Variants in IGSF11 observed in about 807,000 individuals in gnomAD.
IGSF11 encodes CXADR like 1.
A neutral mutation model predicts 41.0 loss-of-function variants in IGSF11; 22 were observed. The observed-to-expected ratio is 0.54, with a 90% CI of 0.38 to 0.77. IGSF11 has a LOEUF of 0.77. IGSF11 is among the 30% of genes least tolerant of loss of function. The probability of loss-of-function intolerance (pLI) is 0.00; values close to 1 mark genes in which losing one functional copy is unlikely to be tolerated. For missense variants in IGSF11, 444 were observed against 530.8 expected (o/e 0.84, Z 1.61); for synonymous variants, 219 against 201.3 (o/e 1.09, Z -0.74).
intron 1 of IGSF11, among the ~76,000 whole-genome samples, chr3:118,982,967 C>G (rs1934889725): frequency 6.6e-6 from 1 of 152,158 alleles, no homozygotes; most frequent in Non-Finnish European, 1.5e-5. Flanking sequence ...CAACATGCAG[C>G]CTCCACAATC....
At chr3:118,985,695 A>C (rs1478178074) in intron 1 of IGSF11, among the ~76,000 whole-genome samples, 1 of 151,800 alleles carries the variant, frequency 6.6e-6, no homozygotes, top group Non-Finnish European at 1.5e-5. Flanking sequence ...TGAAACTATC[A>C]CTCATTTTAC....
Position 118,902,867 on chromosome 3 carries a change from A to G in IGSF11, c.949T>C (p.Tyr317His). 6.2e-7 allele frequency: 1 copy of G among 1,614,156 alleles called. No individual in the cohort carries two copies. The highest frequency in any genetic ancestry group is 2.2e-5 in the East Asian group (1 of 44,882). The change falls in exon 7 of 7, where the codon TAC (tyrosine) becomes CAC (histidine). Residue 317 changes from tyrosine to histidine, a missense_variant. Physicochemically the swap from Tyr to His is moderately conservative, Grantham distance 83. Around this residue, in one of 3 missense-constraint regions of IGSF11, gnomAD observed 223 missense variants for 226.2 expected, o/e 0.99. Transcript: ENST00000393775. ...TTGTTGCTCCAGTATCGACTGTTGT[A>G]GGCATTGGAAGAGGTTAGTGTGTTG... is the stretch of plus-strand genomic sequence containing the variant. ...DNNTLTSSNA[Y>H]NSRYWSNNPK...
intron 1 of IGSF11, among the ~76,000 whole-genome samples, chr3:119,092,349 GT>G (rs1311978903): frequency 6.6e-6 from 1 of 151,302 alleles, no homozygotes; most frequent in Non-Finnish European, 1.5e-5. Context: ...TCTTTTTTTT[GT>G]TTTTTAGATG....
At chr3:119,039,172 G>A (rs1364873825), upstream of IGSF11, among the ~76,000 whole-genome samples, 1 of 152,128 alleles carries the variant, frequency 6.6e-6, no homozygotes, top group Non-Finnish European at 1.5e-5. Context: ...AACAAATTAC[G>A]ACAAACTTGG....
At chr3:119,105,198 C>A (rs1409445410) in exon 1 of IGSF11, 3 of 1,600,804 alleles carry the variant, frequency 1.9e-6, no homozygotes, top group East Asian at 2.2e-5. Context: ...GACATTTATT[C>A]TTCTTGCCTG....
chr3:119,099,074 A>C (rs1182981269), intron 1 of IGSF11, among the ~76,000 whole-genome samples: 2 of 152,248 alleles, frequency 1.3e-5, no homozygotes, highest in South Asian at 4.1e-4. Flanking sequence ...TAAGATATGA[A>C]AATTGGGGAA....
At chr3:119,005,015 C>G (rs1039392138) in intron 1 of IGSF11, among the ~76,000 whole-genome samples, 2 of 149,572 alleles carry the variant, frequency 1.3e-5, no homozygotes, top group African/African-American at 5.0e-5. Flanking sequence ...TCCTGGGTAT[C>G]CTTGTTGACT....
chr3:119,021,815 G>GA (rs1039138434), intron 1 of IGSF11, among the ~76,000 whole-genome samples: 4 of 151,966 alleles, frequency 2.6e-5, no homozygotes, highest in African/African-American at 7.2e-5. Context: ...TAGTAAAAGA[G>GA]AAAAAAATTG....
chr3:119,003,952 T>G (rs1178231667), intron 1 of IGSF11, among the ~76,000 whole-genome samples: 3 of 151,242 alleles, frequency 2.0e-5, no homozygotes, highest in African/African-American at 7.4e-5. Flanking sequence ...TGCCCGGCTT[T>G]GGTATCAGAA....
chr3:118,930,275 C>A lies in IGSF11; in HGVS notation c.53G>T (p.Gly18Val). ...TGACACTTCCAGGGATGCTGCAACA[C>A]CTACAGAAGAAGGAACAGGGAGGTT... ...LAPLLLLSLHGVAASLEVSES... is the reference protein window; with the variant it reads ...LAPLLLLSLHVVAASLEVSES... The change falls in exon 2 of 7, where the codon GGT (glycine) becomes GTT (valine). Residue 18 changes from glycine to valine, a missense_variant and splice_region_variant. Physicochemically the swap from Gly to Val is moderately radical, Grantham distance 109. Transcript: ENST00000393775. 1 of 1,610,658 alleles carries A rather than the reference C, an allele frequency of 6.2e-7. No individual in the cohort carries two copies.
upstream of IGSF11, among the ~76,000 whole-genome samples, chr3:119,038,261 T>C (rs1159645179): frequency 6.6e-6 from 1 of 152,226 alleles, no homozygotes; most frequent in African/African-American, 2.4e-5. Flanking sequence ...AATAGACCAC[T>C]TAATATTTTA....
Position 119,063,043 on chromosome 3 carries a change from T to C in IGSF11, c.49+42101A>G, listed in dbSNP as rs529276410. On this transcript the variant is annotated intron_variant, in intron 1 of 6. Coordinates refer to the IGSF11 transcript ENST00000354673. ...GATACATTGTAATAGGGTTTTACAGTGTTTTTTGAGAATATACAATCTCCC... is the reference window on the plus strand; with the variant it reads ...GATACATTGTAATAGGGTTTTACAGCGTTTTTTGAGAATATACAATCTCCC... Among the ~76,000 whole-genome samples the C allele has an allele frequency of 9.2e-5, 14 of 152,312 alleles. No individual in the cohort carries two copies. The South Asian group carries it at 2.9e-3, about 32-fold the overall frequency.
At chr3:119,134,458 C>T (rs879091924) in intron 1 of IGSF11, among the ~76,000 whole-genome samples, 6 of 152,034 alleles carry the variant, frequency 3.9e-5, no homozygotes, top group African/African-American at 1.2e-4. Context: ...TGAACTCCCA[C>T]TCACAATTGC....
chr3:118,996,022 A>G (rs1350224079), intron 1 of IGSF11, among the ~76,000 whole-genome samples: 1 of 151,502 alleles, frequency 6.6e-6, no homozygotes, highest in Non-Finnish European at 1.5e-5. Flanking sequence ...GATCTCAGGT[A>G]ATCCACCTGC....
intron 1 of IGSF11, among the ~76,000 whole-genome samples, chr3:118,936,509 A>C (rs933489903): frequency 8.2e-6 from 1 of 122,058 alleles, no homozygotes; most frequent in Admixed American, 9.5e-5. Flanking sequence ...TTCATCTCAA[A>C]AAAAAAAAAA....
intron 1 of IGSF11, among the ~76,000 whole-genome samples, chr3:119,047,824 G>C (rs1364935393): frequency 2.6e-5 from 4 of 151,854 alleles, no homozygotes; most frequent in Non-Finnish European, 5.9e-5. Context: ...AATCAAACTA[G>C]AACTCAGGAT....
At chr3:118,936,304 C>A (rs1030429425) in intron 1 of IGSF11, among the ~76,000 whole-genome samples, 2 of 151,676 alleles carry the variant, frequency 1.3e-5, no homozygotes, top group African/African-American at 4.8e-5. Flanking sequence ...GTCGGGAGTT[C>A]GAGACCAGCC....
At chr3:118,929,774 C>T (rs1196025774) in intron 2 of IGSF11, among the ~76,000 whole-genome samples, 1 of 152,172 alleles carries the variant, frequency 6.6e-6, no homozygotes, top group East Asian at 1.9e-4. Flanking sequence ...TACTTCCTTA[C>T]TATTATCACT....
At chr3:118,974,057 AC>A (rs753807587) in intron 1 of IGSF11, among the ~76,000 whole-genome samples, 2 of 152,022 alleles carry the variant, frequency 1.3e-5, no homozygotes, top group Non-Finnish European at 2.9e-5. Context: ...GCATACGTTT[AC>A]CTATGTAACA....
Sources: allele counts gnomAD v4.1 joint callset (sites outside exome capture counted in the v4.1 genomes callset), GRCh38; gene constraint gnomAD v4.1.1; regional missense constraint gnomAD v4.1.1; transcripts MANE v1.5; gene names NCBI Gene and HGNC (gene_info 2026-07-23, HGNC 2026-07-21).